Variants in PELP1 observed in about 807,000 individuals in gnomAD.
The protein encoded by PELP1 is proline-, glutamic acid- and leucine-rich protein 1.
In PELP1, 32 loss-of-function variants were observed where a neutral mutation model predicts 95.5. The observed-to-expected ratio is 0.34, with a 90% CI of 0.25 to 0.45. PELP1 has a LOEUF of 0.45. Ranked by LOEUF, PELP1 falls within the 20% of genes least tolerant of loss-of-function variation. PELP1 has a pLI of 1.00. For missense variants in PELP1, 1,358 were observed against 1,444.8 expected, an observed-to-expected ratio of 0.94 and a Z score of 0.97; for synonymous variants, 668 against 600.1, an observed-to-expected ratio of 1.11 and a Z score of -1.65.
chr17:4,685,429 G>A (rs1260839875), intron 3 of PELP1, among the ~76,000 whole-genome samples: 1 of 151,924 alleles, frequency 6.6e-6, no homozygotes, highest in Non-Finnish European at 1.5e-5. Flanking sequence ...TCCGTAAAAG[G>A]GCTCATTTTG....
At chr17:4,703,795 T>C in intron 1 of PELP1, 68 bp downstream of exon 1, 1 of 1,397,204 alleles carries the variant, frequency 7.2e-7, no homozygotes. Flanking sequence ...CACTGCACCG[T>C]AATCCCGGCG....
intron 5 of PELP1, among the ~76,000 whole-genome samples, chr17:4,681,497 ACT>A (rs1324183383): frequency 6.8e-6 from 1 of 148,132 alleles, no homozygotes; most frequent in Non-Finnish European, 1.5e-5. Context: ...GGCGACAGAG[ACT>A]CTCTCAAAAA....
chr17:4,683,387 A>ATT (rs1006845671), intron 3 of PELP1, among the ~76,000 whole-genome samples: 1 of 151,450 alleles, frequency 6.6e-6, no homozygotes, highest in African/African-American at 2.4e-5. Context: ...CGCCTGACTA[A>ATT]TTTTTTGTAT....
intron 5 of PELP1, among the ~76,000 whole-genome samples, chr17:4,681,625 C>G (rs1444291850): frequency 3.3e-5 from 5 of 151,824 alleles, no homozygotes; most frequent in African/African-American, 1.2e-4. Context: ...CATGATGAAA[C>G]CCCATCTCTA....
chr17:4,703,960 G>C lies in PELP1; in HGVS notation c.152C>G (p.Ser51Cys), dbSNP rs1003871792. The change falls in exon 1 of 17, where the codon TCT becomes TGT. Residue 51 changes from serine (S) to cysteine (C), a missense_variant. Physicochemically the swap from Ser to Cys is moderately radical, Grantham distance 112 (BLOSUM62 -1). Around this residue, in one of 7 missense-constraint regions of PELP1, gnomAD observed 169 missense variants for 134.9 expected, o/e 1.25. Transcript: ENST00000572293. ...VSGLLQPRTG[S>C]AVAPVHPPNR... Reference sequence around the variant, plus strand: ...TGGGGGATGCACCGGAGCAACGGCAGACCCCGTTCGAGGTTGCAGCAAACC... The same window carrying C: ...TGGGGGATGCACCGGAGCAACGGCACACCCCGTTCGAGGTTGCAGCAAACC... The C allele has an allele frequency of 1.2e-6, 2 of 1,613,632 alleles. No individual in the cohort carries two copies. Among genetic ancestry groups the C allele is most frequent in the East Asian group, 2.2e-5 (1 of 44,876 alleles).
chr17:4,691,036 G>T, intron 2 of PELP1, 43 bp from the exon 3 acceptor site: 1 of 1,367,094 alleles, frequency 7.3e-7, no homozygotes, highest in Non-Finnish European at 1.0e-6. Context: ...GCGGAGGCTA[G>T]ACTTCAGAGA....
chr17:4,674,653 C>T lies in PELP1; in HGVS notation c.1439G>A (p.Gly480Glu), dbSNP rs764771503. 3.8e-6 allele frequency: 6 copies of T among 1,597,592 alleles called. No homozygotes were observed. Among genetic ancestry groups the T allele is most frequent in the South Asian group, 1.1e-5 (1 of 88,992 alleles). ...ADALKLRSPRGSPDGSLQTGK... is the reference protein window; with the variant it reads ...ADALKLRSPRESPDGSLQTGK... ...AGTCTGCAAACTCCCATCAGGGCTC[C>T]CCCGCGGGCTACGCAGCTGGAGGCA... Residue 480 changes from glycine (G) to glutamate (E), a missense_variant, in exon 13 of 17, where the codon GGG (glycine) becomes GAG (glutamate). Physicochemically the swap from Gly to Glu is moderately conservative, Grantham distance 98. This residue lies in a region of PELP1 where 538 missense variants were observed against 628.1 expected (regional missense o/e 0.86). Transcript: ENST00000572293.
rs912009116 is a variant in PELP1, at chr17:4,670,042, G to C, written c.*1397C>G. ...TAGATACATGTCTACATGTAGATAC[G>C]CAGTTTATAGGGATAAGAGTTAACA... On this transcript the variant is annotated 3_prime_UTR_variant, in exon 17 of 17. Transcript: ENST00000572293. 1 of 152,132 alleles carries C rather than the reference G, an allele frequency of 6.6e-6. No individual in the cohort carries two copies. Among genetic ancestry groups the C allele is most frequent in the Admixed American group, 6.6e-5 (1 of 15,258 alleles). The allele number at this position is 152,132 out of a possible 1,614,324, so 9.4% of individuals were successfully genotyped here. A position where few individuals can be genotyped will look rare whatever the true frequency, so the allele number is the denominator to read the frequency against.
chr17:4,702,979 A>C (rs1316241364), intron 1 of PELP1, among the ~76,000 whole-genome samples: 2 of 152,214 alleles, frequency 1.3e-5, no homozygotes, highest in East Asian at 3.8e-4. Context: ...AACTACTCAA[A>C]GGATAAAATC....
At chr17:4,699,223 C>CA (rs1234532958) in intron 1 of PELP1, among the ~76,000 whole-genome samples, 7 of 151,876 alleles carry the variant, frequency 4.6e-5, no homozygotes, top group Admixed American at 4.6e-4. Context: ...ACTAAAAATA[C>CA]AAAAAAATAG....
intron 1 of PELP1, among the ~76,000 whole-genome samples, chr17:4,702,636 T>C (rs542629523): frequency 2.0e-5 from 3 of 152,250 alleles, no homozygotes; most frequent in African/African-American, 7.2e-5. Flanking sequence ...GACAAACAGA[T>C]AGGGTTATCT....
intron 2 of PELP1, 25 bp downstream of exon 2, chr17:4,691,353 A>AG: frequency 1.3e-6 from 2 of 1,574,528 alleles, no homozygotes; most frequent in Non-Finnish European, 1.7e-6. Flanking sequence ...ACGCCCCTGG[A>AG]GAAAAAAAAG....
chr17:4,699,398 G>C (rs1294032002), intron 1 of PELP1, among the ~76,000 whole-genome samples: 1 of 151,962 alleles, frequency 6.6e-6, no homozygotes, highest in African/African-American at 2.4e-5. Flanking sequence ...AAAAAAAATG[G>C]AGAATCTAGG....
chr17:4,703,941 A>G lies in PELP1; in HGVS notation c.171T>C (p.His57=), dbSNP rs760346696. Residue 57 remains histidine, a synonymous_variant, in exon 1 of 17, where the codon CAT becomes CAC. Transcript: ENST00000572293. The stretch of plus-strand genomic sequence containing the variant: ...AATGTGGGGCCGAGCGGTTTGGGGG[A>G]TGCACCGGAGCAACGGCAGACCCCG... ...PRTGSAVAPV[H]PPNRSAPHLP... is the part of the protein sequence containing the mutation. 1 of 1,613,518 alleles carries G rather than the reference A, an allele frequency of 6.2e-7. No homozygotes were observed. The highest frequency in any genetic ancestry group is 1.1e-5 in the South Asian group (1 of 91,080).
intron 1 of PELP1, 89 bp downstream of exon 1, chr17:4,703,774 T>C: frequency 3.5e-6 from 4 of 1,147,534 alleles, no homozygotes; most frequent in Admixed American, 2.5e-5. Flanking sequence ...TCAACCTCCC[T>C]ATCGCACTTG....
In PELP1 at chr17:4,672,838, G is replaced by A. The variant is rs768401873; in HGVS notation, c.2153C>T (p.Ser718Phe). 6.2e-7 allele frequency: 1 copy of A among 1,613,832 alleles called. No homozygotes were observed. The highest frequency in any genetic ancestry group is 8.5e-7 in the Non-Finnish European group (1 of 1,179,848). Residue 718 changes from serine (S) to phenylalanine (F), a missense_variant, in exon 16 of 17, where the codon TCT becomes TTT. Physicochemically the swap from Ser to Phe is radical, Grantham distance 155. Coordinates refer to ENST00000572293, the MANE Select transcript of PELP1 (RefSeq NM_014389.3). ...GCCAGGAAGAAGCCGGGGAGGGACA[G>A]ACACTAGGCCTGGGACAGAAAGGCC... ...HLGLSVPGLV[S>F]VPPRLLPGPE...
chr17:4,672,597 CA>C lies in PELP1; in HGVS notation c.2393del (p.Leu798ArgfsTer14). 1 of 861,780 alleles carries C rather than the reference CA, an allele frequency of 1.2e-6. No homozygotes were observed. Among genetic ancestry groups the C allele is most frequent in the Non-Finnish European group, 1.5e-6 (1 of 659,836 alleles). 53.4% of individuals were successfully genotyped at this position (861,780 alleles called of 1,614,324 possible). On this transcript the variant is annotated frameshift_variant, in exon 16 of 17. Transcript: ENST00000572293. LOFTEE classifies it high-confidence loss of function. ...VVIVPEGLPP[L>X]PPPPPSGATP... ...TGGCACCTGAGGGTGGTGGGGGTGG[CA>C]GGGGGGGAAGCCCCTCGGGCACGAT...
intron 1 of PELP1, among the ~76,000 whole-genome samples, chr17:4,702,146 T>C (rs1471107881): frequency 1.3e-5 from 2 of 152,202 alleles, no homozygotes; most frequent in Non-Finnish European, 2.9e-5. Context: ...GGGCAAGGCA[T>C]GGTGGCCCGT....
At chr17:4,686,653 G>T (rs1357773245) in intron 3 of PELP1, among the ~76,000 whole-genome samples, 1 of 152,174 alleles carries the variant, frequency 6.6e-6, no homozygotes, top group Non-Finnish European at 1.5e-5. Flanking sequence ...AAGTAGCTGG[G>T]ATTACAGGTG....
Sources: gnomAD v4.1 joint callset for allele counts (sites outside exome capture counted in the v4.1 genomes callset) on GRCh38, gnomAD v4.1.1 for gene constraint, gnomAD v4.1.1 regional missense constraint, MANE v1.5 for transcripts, NCBI Gene and HGNC (gene_info 2026-07-23, HGNC 2026-07-21) for gene names.